The following ATP2B2 variants were observed in gnomAD, a reference collection of about 807,000 sequenced individuals.
The protein encoded by ATP2B2 is plasma membrane calcium-transporting ATPase 2.
ATP2B2 carries 15 observed loss-of-function variants against 120.0 expected under a neutral mutation model. The ratio of observed to expected loss-of-function variants is 0.12; its 90% confidence interval spans 0.08 to 0.19. ATP2B2 has a LOEUF of 0.19. Ranked by LOEUF, ATP2B2 falls within the 10% of genes least tolerant of loss-of-function variation. ATP2B2 has a pLI of 1.00. For missense variants in ATP2B2, 1,045 were observed against 1,719.8 expected (o/e 0.61, Z 6.94); for synonymous variants, 694 against 700.3 (o/e 0.99, Z 0.14).
intron 4 of ATP2B2, 142 bp from the exon 5 acceptor site, chr3:10,401,220 G>T: frequency 8.8e-7 from 1 of 1,132,238 alleles, no homozygotes; most frequent in Non-Finnish European, 1.3e-6. Flanking sequence ...GAACCAAGAT[G>T]GTGCCCATAG....
chr3:10,429,332 G>A (rs73814220), intron 2 of ATP2B2, among the ~76,000 whole-genome samples: 1,553 of 152,158 alleles, frequency 0.01, 34 homozygotes, highest in African/African-American at 0.035. Context: ...GAAGGTTTGC[G>A]GCAACCCTGC....
chr3:10,658,359 G>A (rs1421672986), intron 1 of ATP2B2, among the ~76,000 whole-genome samples: 1 of 152,136 alleles, frequency 6.6e-6, no homozygotes, highest in African/African-American at 2.4e-5. Flanking sequence ...AAGATTAGAC[G>A]AATGGCTAAC....
At chr3:10,379,055 C>CA (rs1294260063) in intron 9 of ATP2B2, among the ~76,000 whole-genome samples, 188 bp downstream of exon 9, 26 of 152,290 alleles carry the variant, frequency 1.7e-4, no homozygotes, top group Admixed American at 6.5e-4. Context: ...CCCTCCTCAC[C>CA]GGTGGACACC....
chr3:10,358,384 G>C (rs1194056978), intron 14 of ATP2B2, among the ~76,000 whole-genome samples: 1 of 152,210 alleles, frequency 6.6e-6, no homozygotes, highest in Non-Finnish European at 1.5e-5. Context: ...CCCTACACCT[G>C]TCCCTTGGGG....
chr3:10,660,475 C>T (rs900514854), intron 1 of ATP2B2, among the ~76,000 whole-genome samples: 7 of 152,132 alleles, frequency 4.6e-5, no homozygotes, highest in Admixed American at 1.3e-4. Context: ...AACACCTCTA[C>T]ACAAATAAAC....
intron 2 of ATP2B2, among the ~76,000 whole-genome samples, chr3:10,544,855 C>A (rs1441438602): frequency 6.6e-6 from 1 of 152,230 alleles, no homozygotes; most frequent in Admixed American, 6.5e-5. Context: ...TTGCTCAACT[C>A]TTGTTTCCAC....
chr3:10,675,919 T>C (rs2071228990), intron 1 of ATP2B2, among the ~76,000 whole-genome samples: 1 of 152,228 alleles, frequency 6.6e-6, no homozygotes, highest in Admixed American at 6.5e-5. Context: ...AGAGAGGTCT[T>C]CCCTGATGAC....
intron 8 of ATP2B2, among the ~76,000 whole-genome samples, chr3:10,383,071 T>C (rs922999094): frequency 1.3e-4 from 19 of 150,722 alleles, no homozygotes; most frequent in Non-Finnish European, 2.8e-4. Flanking sequence ...TTTTTAATTT[T>C]AATTTTTATT....
At chr3:10,394,191 A>AAGG (rs2061952665) in intron 5 of ATP2B2, among the ~76,000 whole-genome samples, 1 of 152,018 alleles carries the variant, frequency 6.6e-6, no homozygotes, top group Non-Finnish European at 1.5e-5. Context: ...GGCTGTGAAG[A>AAGG]AGGGATGGAG....
intron 1 of ATP2B2, among the ~76,000 whole-genome samples, chr3:10,631,679 G>A (rs998293283): frequency 1.6e-4 from 25 of 152,184 alleles, no homozygotes; most frequent in African/African-American, 4.6e-4. Flanking sequence ...CTGGCAGCCT[G>A]GAAGACAGAC....
upstream of ATP2B2, among the ~76,000 whole-genome samples, chr3:10,506,250 C>T (rs114465731): frequency 6.2e-3 from 943 of 152,114 alleles, 4 homozygotes; most frequent in Middle Eastern, 0.014. Flanking sequence ...CCCTGCGACC[C>T]GCCCTGCCTG....
chr3:10,399,095 C>T (rs1184470183), intron 5 of ATP2B2, among the ~76,000 whole-genome samples: 1 of 152,232 alleles, frequency 6.6e-6, no homozygotes, highest in Non-Finnish European at 1.5e-5. Flanking sequence ...TTTCCCTCTT[C>T]CCCAAACTGT....
chr3:10,471,364 C>CTGTGTG (rs58583936), intron 1 of ATP2B2, among the ~76,000 whole-genome samples: 111 of 150,464 alleles, frequency 7.4e-4, no homozygotes, highest in African/African-American at 2.6e-3. Flanking sequence ...TTCAGGAAAC[C>CTGTGTG]TGTGTGTGTG....
intron 2 of ATP2B2, among the ~76,000 whole-genome samples, chr3:10,565,075 G>T (rs1397372635): frequency 6.6e-6 from 1 of 152,160 alleles, no homozygotes; most frequent in African/African-American, 2.4e-5. Flanking sequence ...AACTGTGAAT[G>T]CAATGTGCCT....
chr3:10,441,548 C>G (rs2063667326), intron 2 of ATP2B2, among the ~76,000 whole-genome samples: 1 of 152,182 alleles, frequency 6.6e-6, no homozygotes, highest in Non-Finnish European at 1.5e-5. Flanking sequence ...CATTTCCTGT[C>G]TGACATCCTC....
At chr3:10,589,178 G>A (rs555701229) in intron 2 of ATP2B2, among the ~76,000 whole-genome samples, 1 of 152,114 alleles carries the variant, frequency 6.6e-6, no homozygotes, top group Non-Finnish European at 1.5e-5. Context: ...TGGTCCTCCT[G>A]AACTCCAGCC....
upstream of ATP2B2, among the ~76,000 whole-genome samples, chr3:10,507,189 C>T (rs899261219): frequency 4.6e-5 from 7 of 152,208 alleles, no homozygotes; most frequent in Non-Finnish European, 8.8e-5. Context: ...CCAGGCAAGG[C>T]TCCCTGCTGG....
intron 1 of ATP2B2, among the ~76,000 whole-genome samples, chr3:10,455,075 A>G (rs2064202617): frequency 6.6e-6 from 1 of 152,122 alleles, no homozygotes; most frequent in Non-Finnish European, 1.5e-5. Flanking sequence ...GCACTCAATA[A>G]ATATTTGGTG....
upstream of ATP2B2, chr3:10,505,800 G>GC: frequency 6.7e-6 from 1 of 148,182 alleles, no homozygotes; most frequent in Non-Finnish European, 1.5e-5. Flanking sequence ...TGGGGGGCGG[G>GC]GGGGGTGTGT....
Sources: gnomAD v4.1 joint callset for allele counts (sites outside exome capture counted in the v4.1 genomes callset) on GRCh38, gnomAD v4.1.1 for gene constraint, MANE v1.5 for transcripts, NCBI Gene and HGNC (gene_info 2026-07-23, HGNC 2026-07-21) for gene names.